SMDT1: variants seen among roughly 807,000 people sequenced by gnomAD.
SMDT1 encodes single-pass membrane protein with aspartate rich tail 1.
In SMDT1, 6 loss-of-function variants were observed where a neutral mutation model predicts 5.9. That is an observed-to-expected ratio of 1.03 (90% CI 0.56 to 2.02). The LOEUF (loss-of-function observed/expected upper bound fraction) is 2.02, where lower values mean the gene tolerates loss of function less well. Ranked by LOEUF, SMDT1 falls within the 30% of genes most tolerant of loss-of-function variation. The pLI is 0.00. For missense variants in SMDT1, 159 were observed against 145.6 expected (o/e 1.09, Z -0.47); for synonymous variants, 81 against 62.4 (o/e 1.30, Z -1.40).
chr22:42,080,436 G>C (rs948224033), intron 1 of SMDT1, among the ~76,000 whole-genome samples: 4 of 152,182 alleles, frequency 2.6e-5, no homozygotes, highest in African/African-American at 9.7e-5. Context: ...ACAATCACGG[G>C]TTTTCAAATG....
chr22:42,081,934 G>T lies in SMDT1; in HGVS notation c.196G>T (p.Gly66Cys), dbSNP rs199874979. 6.2e-7 allele frequency: 1 copy of T among 1,613,936 alleles called. No individual in the cohort carries two copies. The highest frequency in any genetic ancestry group is 8.5e-7 in the Non-Finnish European group (1 of 1,180,010). The change falls in exon 2 of 3, where the codon GGC (glycine) becomes TGC (cysteine). Residue 66 changes from glycine (G) to cysteine (C), a missense_variant. Physicochemically the swap from Gly to Cys is radical, Grantham distance 159 (BLOSUM62 -3). Transcript: ENST00000331479. ...CTCTGACCCTCTGCAGATGTCCTTCGGCCTTCTCCGTGTGTTCTCCATTGT... is the reference window on the plus strand; with the variant it reads ...CTCTGACCCTCTGCAGATGTCCTTCTGCCTTCTCCGTGTGTTCTCCATTGT... ...ILPKPVKMSFGLLRVFSIVIP... is the reference protein window; with the variant it reads ...ILPKPVKMSFCLLRVFSIVIP...
At chr22:42,080,541 G>T (rs1927699347) in intron 1 of SMDT1, among the ~76,000 whole-genome samples, 1 of 152,180 alleles carries the variant, frequency 6.6e-6, no homozygotes, top group Non-Finnish European at 1.5e-5. Context: ...ACCAGGTCCT[G>T]TCTTTTTCCA....
rs1204111933 is a variant in SMDT1 at position 42,084,224 on chromosome 22, C to T, written c.*1109C>T. 6.6e-6 allele frequency: 1 copy of T among 152,198 alleles called. No homozygotes were observed. Among genetic ancestry groups the T allele is most frequent in the Admixed American group, 6.5e-5 (1 of 15,282 alleles). The allele number at this position is 152,198 out of a possible 1,614,324, so 9.4% of individuals were successfully genotyped here. On this transcript the variant is annotated 3_prime_UTR_variant, in exon 3 of 3. Transcript: ENST00000331479. ...AGCTCCACGCCCCTTCTATACCTCA[C>T]CCTATGCATCTCTTCAGCTGTATCT... is the stretch of plus-strand genomic sequence containing the variant.
At chr22:42,081,400 C>T (rs1391730532) in intron 1 of SMDT1, among the ~76,000 whole-genome samples, 1 of 151,988 alleles carries the variant, frequency 6.6e-6, no homozygotes, top group Non-Finnish European at 1.5e-5. Flanking sequence ...CTTCTGACCT[C>T]GTGATCCGCC....
chr22:42,082,127 G>C, intron 2 of SMDT1, 62 bp downstream of exon 2: 3 of 1,587,316 alleles, frequency 1.9e-6, no homozygotes, highest in South Asian at 1.1e-5. Context: ...CTGTGATGCA[G>C]TCTGGCCTGG....
In SMDT1 at chr22:42,079,956, T is replaced by C. The variant is rs776139153; in HGVS notation, c.186+2T>C. 6 of 1,610,136 alleles carry C rather than the reference T, an allele frequency of 3.7e-6. No individual in the cohort carries two copies. The African/African-American group carries it at 6.7e-5, about 18-fold the overall frequency. On this transcript the variant is annotated splice_donor_variant, in intron 1 of 2. Transcript: ENST00000331479. LOFTEE classifies it high-confidence loss of function. ...GCCATTTTGCCCAAACCGGTGAAAG[T>C]GAGTGTCCTCCTGGAGACGGGGCGA...
rs1025509606 is a variant in SMDT1 at position 42,083,288 on chromosome 22, G to A, written c.*173G>A. 1.3e-5 allele frequency: 2 copies of A among 152,620 alleles called. No individual in the cohort carries two copies. The highest frequency in any genetic ancestry group is 4.8e-5 in the African/African-American group (2 of 41,442). The allele number at this position is 152,620 out of a possible 1,614,324, so 9.5% of individuals were successfully genotyped here. On this transcript the variant is annotated 3_prime_UTR_variant, in exon 3 of 3. Transcript: ENST00000331479. Reference sequence around the variant, plus strand: ...CCCCAGGCTCTGGGAGGCTCCCTGAGATGTGCTGTCCACTAAGCACTGCAC... The same window carrying A: ...CCCCAGGCTCTGGGAGGCTCCCTGAAATGTGCTGTCCACTAAGCACTGCAC...
At chr22:42,081,412 G>A (rs74642275) in intron 1 of SMDT1, among the ~76,000 whole-genome samples, 7 of 151,624 alleles carry the variant, frequency 4.6e-5, no homozygotes, top group Non-Finnish European at 8.8e-5. Context: ...TGATCCGCCC[G>A]CCTCAGCCTC....
chr22:42,081,991 A>G lies in SMDT1; in HGVS notation c.253A>G (p.Ser85Gly). 1 of 1,614,064 alleles carries G rather than the reference A, an allele frequency of 6.2e-7. No individual in the cohort carries two copies. Among genetic ancestry groups the G allele is most frequent in the Non-Finnish European group, 8.5e-7 (1 of 1,180,014 alleles). ...CTTTCTCTATGTCGGGACACTCATT[A>G]GCAAGAACTTTGCTGCTCTACTTGA... ...IPFLYVGTLI[S>G]KNFAALLEEH... Residue 85 changes from serine to glycine, a missense_variant, in exon 2 of 3, where the codon AGC becomes GGC. Ser to Gly is a moderately conservative substitution (Grantham distance 56, BLOSUM62 0). Coordinates refer to ENST00000331479, the MANE Select transcript of SMDT1 (RefSeq NM_033318.5).
chr22:42,079,983 G>C (rs756295724), intron 1 of SMDT1, 29 bp downstream of exon 1: 1 of 1,593,302 alleles, frequency 6.3e-7, no homozygotes, highest in African/African-American at 1.3e-5. Context: ...ACGGGGCGAA[G>C]GGGCTGAGGC....
intron 2 of SMDT1, among the ~76,000 whole-genome samples, chr22:42,082,493 G>A (rs1021573458): frequency 6.6e-6 from 1 of 152,118 alleles, no homozygotes; most frequent in Admixed American, 6.5e-5. Context: ...GAGCCACTGC[G>A]CCCAGCCAAC....
In SMDT1 at chr22:42,083,497, G is replaced by A. The variant is rs749687729; in HGVS notation, c.*382G>A. ...AGTGGAGCCTGGTGAACTATTCTGGGGGCCCTGGGAACTATTTTCATTGTT... is the reference window on the plus strand; with the variant it reads ...AGTGGAGCCTGGTGAACTATTCTGGAGGCCCTGGGAACTATTTTCATTGTT... On this transcript the variant is annotated 3_prime_UTR_variant, in exon 3 of 3. Coordinates refer to ENST00000331479, the MANE Select transcript of SMDT1 (RefSeq NM_033318.5). 7.9e-5 allele frequency: 12 copies of A among 152,126 alleles called. No homozygotes were observed. The highest frequency in any genetic ancestry group is 1.6e-4 in the Non-Finnish European group (11 of 68,036). 9.4% of individuals were successfully genotyped at this position (152,126 alleles called of 1,614,324 possible).
chr22:42,080,382 A>C (rs1927686880), intron 1 of SMDT1, among the ~76,000 whole-genome samples: 1 of 152,186 alleles, frequency 6.6e-6, no homozygotes, highest in Non-Finnish European at 1.5e-5. Flanking sequence ...CCTAATATTT[A>C]ATTCATGTGA....
At chr22:42,080,609 T>C (rs1330176296) in intron 1 of SMDT1, among the ~76,000 whole-genome samples, 3 of 152,172 alleles carry the variant, frequency 2.0e-5, no homozygotes, top group East Asian at 3.9e-4. Flanking sequence ...CAGTCCCTTA[T>C]ATCAAGCGAA....
rs946990414 is a variant in SMDT1 at position 42,079,871 on chromosome 22, T to G, written c.103T>G (p.Trp35Gly). 1.2e-6 allele frequency: 2 copies of G among 1,614,210 alleles called. No homozygotes were observed. Among genetic ancestry groups the G allele is most frequent in the African/African-American group, 1.3e-5 (1 of 75,074 alleles). Residue 35 changes from tryptophan (W) to glycine (G), a missense_variant, in exon 1 of 3, where the codon TGG becomes GGG. Coordinates refer to ENST00000331479, the MANE Select transcript of SMDT1 (RefSeq NM_033318.5). The part of the protein sequence containing the change: ...LRKDGDVSAA[W>G]SGSGRSLVPS... ...GAAAGATGGCGATGTCTCCGCCGCATGGAGCGGCTCAGGCCGGAGCCTGGT... is the reference window on the plus strand; with the variant it reads ...GAAAGATGGCGATGTCTCCGCCGCAGGGAGCGGCTCAGGCCGGAGCCTGGT...
chr22:42,080,050 C>A, intron 1 of SMDT1, 96 bp downstream of exon 1: 3 of 1,318,386 alleles, frequency 2.3e-6, no homozygotes, highest in Non-Finnish European at 3.1e-6. Flanking sequence ...CAAGGCCAAT[C>A]ATAACGATTA....
intron 1 of SMDT1, among the ~76,000 whole-genome samples, chr22:42,081,612 C>T (rs914332426): frequency 6.6e-6 from 1 of 152,074 alleles, no homozygotes; most frequent in African/African-American, 2.4e-5. Context: ...AGGTGCGCAC[C>T]ACCATGCTGG....
At chr22:42,080,747 C>CT (rs1450051231) in intron 1 of SMDT1, among the ~76,000 whole-genome samples, 3 of 152,108 alleles carry the variant, frequency 2.0e-5, no homozygotes, top group African/African-American at 7.2e-5. Flanking sequence ...CCTGCCTTAT[C>CT]AAAACAGTTG....
rs200401467 is a variant in SMDT1, at chr22:42,079,894, G to C, written c.126G>C (p.Leu42=). Residue 42 remains leucine (L), a synonymous_variant, in exon 1 of 3, where the codon CTG becomes CTC. Transcript: ENST00000331479. ...SAAWSGSGRS[L]VPSRSVIVTR... is the part of the protein sequence containing the mutation. Reference sequence around the variant, plus strand: ...CATGGAGCGGCTCAGGCCGGAGCCTGGTACCGTCGAGGTCAGTCATCGTTA... The same window carrying C: ...CATGGAGCGGCTCAGGCCGGAGCCTCGTACCGTCGAGGTCAGTCATCGTTA... 5.0e-6 allele frequency: 8 copies of C among 1,614,170 alleles called. No individual in the cohort carries two copies. The Admixed American group carries it at 1.3e-4, about 27-fold the overall frequency.
Sources: gnomAD v4.1 joint callset for allele counts (sites outside exome capture counted in the v4.1 genomes callset) on GRCh38, gnomAD v4.1.1 for gene constraint, MANE v1.5 for transcripts, NCBI Gene and HGNC (gene_info 2026-07-23, HGNC 2026-07-21) for gene names.